RALGAPA1: variants seen among roughly 807,000 people sequenced by gnomAD.
RALGAPA1 encodes ral GTPase-activating protein subunit alpha-1.
RALGAPA1 carries 52 observed loss-of-function variants against 269.6 expected under a neutral mutation model. The observed-to-expected ratio is 0.19, with a 90% confidence interval of 0.15 to 0.24. The LOEUF (loss-of-function observed/expected upper bound fraction) is 0.24, where lower values mean the gene tolerates loss of function less well. Ranked by LOEUF, RALGAPA1 falls within the 10% of genes least tolerant of loss-of-function variation. The pLI is 1.00. For synonymous variants in RALGAPA1, 817 were observed against 1,008.3 expected (o/e 0.81, Z 3.60); for missense variants, 1,917 against 3,013.9 (o/e 0.64, Z 8.52).
chr14:35,776,570 T>C (rs925046012), intron 1 of RALGAPA1, among the ~76,000 whole-genome samples: 17 of 151,920 alleles, frequency 1.1e-4, no homozygotes, highest in African/African-American at 3.9e-4. Context: ...ATATGAACAG[T>C]AGAAGTGTTA....
chr14:35,599,153 T>C (rs996797216), intron 36 of RALGAPA1, among the ~76,000 whole-genome samples: 2 of 152,234 alleles, frequency 1.3e-5, no homozygotes, highest in African/African-American at 4.8e-5. Flanking sequence ...ATATTTCCTC[T>C]ACATATATTT....
chr14:35,698,829 T>G (rs1270752574), intron 17 of RALGAPA1, among the ~76,000 whole-genome samples: 1 of 152,160 alleles, frequency 6.6e-6, no homozygotes, highest in East Asian at 1.9e-4. Flanking sequence ...CTGTGCTACT[T>G]ACATAAGGAG....
In RALGAPA1 at chr14:35,686,661, T is replaced by C; in HGVS notation, c.3958A>G (p.Lys1320Glu). 6.5e-7 allele frequency: 1 copy of C among 1,541,272 alleles called. No homozygotes were observed. Among genetic ancestry groups the C allele is most frequent in the Non-Finnish European group, 8.8e-7 (1 of 1,133,698 alleles). Residue 1320 changes from lysine to glutamate, a missense_variant, in exon 19 of 42, where the codon AAA becomes GAA. Physicochemically the swap from Lys to Glu is moderately conservative, Grantham distance 56. Transcript: ENST00000680220. ...GGCAGTTTTTGGCTCATGTCCTCTT[T>C]ATTGACTAAAAATAAATAAATAACT... Reference protein sequence around the residue: ...GYFGRKAAVNKEDMSQKLPPL... With the variant: ...GYFGRKAAVNEEDMSQKLPPL...
chr14:35,595,900 T>C (rs2058904007), intron 36 of RALGAPA1, 111 bp from the exon 37 acceptor site: 1 of 743,472 alleles, frequency 1.3e-6, no homozygotes, highest in South Asian at 1.9e-5. Context: ...GTCTTTTGCA[T>C]GTTATCAACC....
intron 37 of RALGAPA1, among the ~76,000 whole-genome samples, chr14:35,585,112 TAGA>T (rs766391113): frequency 1.3e-5 from 2 of 152,172 alleles, no homozygotes; most frequent in South Asian, 2.1e-4. Flanking sequence ...GAGTCAATAC[TAGA>T]AGATGACATA....
intron 19 of RALGAPA1, among the ~76,000 whole-genome samples, 154 bp downstream of exon 19, chr14:35,686,388 C>A (rs1384373357): frequency 2.0e-5 from 3 of 151,918 alleles, no homozygotes; most frequent in Non-Finnish European, 4.4e-5. Context: ...AAATGTAATT[C>A]AAAAATCTTA....
chr14:35,706,025 T>C (rs1222183589), intron 16 of RALGAPA1, among the ~76,000 whole-genome samples: 1 of 152,206 alleles, frequency 6.6e-6, no homozygotes, highest in Non-Finnish European at 1.5e-5. Context: ...GAGCTCTTTG[T>C]ATATTTTAGA....
chr14:35,771,386 C>T (rs1001782245), intron 3 of RALGAPA1, among the ~76,000 whole-genome samples: 2 of 152,072 alleles, frequency 1.3e-5, no homozygotes, highest in African/African-American at 2.4e-5. Context: ...AAGAGCAAAA[C>T]TCCGTCTCGA....
chr14:35,637,079 GA>G (rs1311085768), intron 31 of RALGAPA1, among the ~76,000 whole-genome samples: 18 of 152,214 alleles, frequency 1.2e-4, no homozygotes, highest in Non-Finnish European at 1.6e-4. Flanking sequence ...GTACACATAG[GA>G]AAGGTAATGC....
At chr14:35,644,460 G>T (rs1456877802) in intron 31 of RALGAPA1, among the ~76,000 whole-genome samples, 1 of 152,104 alleles carries the variant, frequency 6.6e-6, no homozygotes, top group Non-Finnish European at 1.5e-5. Flanking sequence ...GAATTTCAAG[G>T]TAATTATATA....
intron 41 of RALGAPA1, among the ~76,000 whole-genome samples, chr14:35,547,731 T>C (rs1445724037): frequency 1.3e-5 from 2 of 152,150 alleles, no homozygotes; most frequent in African/African-American, 4.8e-5. Flanking sequence ...AAGTGAATCT[T>C]AGACTTTTTA....
At chr14:35,634,197 G>A (rs1404135397) in intron 33 of RALGAPA1, among the ~76,000 whole-genome samples, 1 of 152,070 alleles carries the variant, frequency 6.6e-6, no homozygotes, top group Non-Finnish European at 1.5e-5. Flanking sequence ...AAAATTTTGA[G>A]TGTTGGCATG....
chr14:35,548,624 G>T, intron 40 of RALGAPA1, 86 bp from the exon 41 acceptor site: 1 of 891,140 alleles, frequency 1.1e-6, no homozygotes, highest in Non-Finnish European at 1.7e-6. Flanking sequence ...TTTTCTTACT[G>T]ATTTCTTCAA....
At chr14:35,772,598 T>C (rs2074716405) in intron 3 of RALGAPA1, among the ~76,000 whole-genome samples, 1 of 152,196 alleles carries the variant, frequency 6.6e-6, no homozygotes, top group African/African-American at 2.4e-5. Flanking sequence ...GTTCTTACTA[T>C]TATTTAGAAC....
At position 35,760,966 on chromosome 14, in the gene RALGAPA1, T is replaced by C; in HGVS notation, c.410A>G (p.Gln137Arg). ...EGVRLFLLWL[Q>R]ALQNNCSKEQ... ...TTTGCTACAGTTATTCTGAAGAGCT[T>C]GCAACCATAGTAAGAAAAGACGAAC... Residue 137 changes from glutamine to arginine, a missense_variant, in exon 6 of 42, where the codon CAA (glutamine) becomes CGA (arginine). Gln to Arg is a conservative substitution (Grantham distance 43). Transcript: ENST00000680220. The C allele has an allele frequency of 6.2e-7, 1 of 1,608,664 alleles. No individual in the cohort carries two copies. The highest frequency in any genetic ancestry group is 2.2e-5 in the East Asian group (1 of 44,712).
chr14:35,718,110 A>G (rs2069012089), intron 16 of RALGAPA1, among the ~76,000 whole-genome samples: 1 of 152,030 alleles, frequency 6.6e-6, no homozygotes, highest in Non-Finnish European at 1.5e-5. Flanking sequence ...TAGCTCTAAC[A>G]CTTTCTATTC....
chr14:35,793,552 T>C (rs1181065739), intron 1 of RALGAPA1, among the ~76,000 whole-genome samples: 1 of 152,066 alleles, frequency 6.6e-6, no homozygotes, highest in Non-Finnish European at 1.5e-5. Flanking sequence ...TCTATTTCTA[T>C]AATGTGTACC....
chr14:35,624,204 TC>T (rs1286170877), intron 35 of RALGAPA1, among the ~76,000 whole-genome samples: 1 of 141,162 alleles, frequency 7.1e-6, no homozygotes, highest in African/African-American at 2.7e-5. Context: ...TGATTCCAGT[TC>T]CGTAAAAAAA....
chr14:35,793,595 A>AC (rs2076351517), intron 1 of RALGAPA1, among the ~76,000 whole-genome samples: 9 of 150,104 alleles, frequency 6.0e-5, no homozygotes, highest in South Asian at 2.1e-4. Flanking sequence ...TACACACACA[A>AC]ACACACACAC....
Sources: allele counts gnomAD v4.1 joint callset (sites outside exome capture counted in the v4.1 genomes callset), GRCh38; gene constraint gnomAD v4.1.1; transcripts MANE v1.5; gene names NCBI Gene and HGNC (gene_info 2026-07-23, HGNC 2026-07-21).